The following POLR3B variants were observed in gnomAD, a reference collection of about 807,000 sequenced individuals.
POLR3B encodes RNA polymerase III subunit B, also known as DNA-directed RNA polymerase III subunit RPC2.
A neutral mutation model predicts 147.4 loss-of-function variants in POLR3B; 96 were observed. The observed-to-expected ratio is 0.65, with a 90% CI of 0.55 to 0.77. The LOEUF (loss-of-function observed/expected upper bound fraction) is 0.77, where lower values mean the gene tolerates loss of function less well. Ranked by LOEUF, POLR3B falls within the 30% of genes least tolerant of loss-of-function variation. POLR3B has a pLI of 0.00. For synonymous variants in POLR3B, 461 were observed against 485.9 expected (o/e 0.95, Z 0.67); for missense variants, 1,036 against 1,413.5 (o/e 0.73, Z 4.28).
At chr12:106,430,136 T>C in intron 13 of POLR3B, 137 bp from the exon 14 acceptor site, 2 of 755,860 alleles carry the variant, frequency 2.6e-6, no homozygotes, top group Admixed American at 1.8e-5. Flanking sequence ...TTGTGACACT[T>C]TGATTTCTGA....
intron 9 of POLR3B, among the ~76,000 whole-genome samples, chr12:106,382,224 G>A (rs181065578): frequency 3.9e-5 from 6 of 152,228 alleles, no homozygotes; most frequent in Non-Finnish European, 5.9e-5. Flanking sequence ...ACTGTGGGTC[G>A]AACACCTCTG....
At chr12:106,386,401 G>T (rs2136909446) in intron 9 of POLR3B, among the ~76,000 whole-genome samples, 1 of 151,776 alleles carries the variant, frequency 6.6e-6, no homozygotes, top group Non-Finnish European at 1.5e-5. Context: ...CCAGCAGAGG[G>T]CAGTATGTTC....
intron 12 of POLR3B, among the ~76,000 whole-genome samples, chr12:106,415,938 C>T (rs1173620328): frequency 6.6e-6 from 1 of 152,140 alleles, no homozygotes; most frequent in Non-Finnish European, 1.5e-5. Context: ...TCCAGAGACA[C>T]TCTATGCATA....
rs1592763567 is a variant in POLR3B, at chr12:106,476,797, T to A, written c.2713+13177T>A. 2.0e-5 allele frequency among the ~76,000 whole-genome samples: 3 copies of A among 152,140 alleles called. No individual in the cohort carries two copies. The East Asian group carries it at 5.8e-4, about 29-fold the overall frequency. ...ATTTTTTTCAAAGTTTTCAACTTTCTTTGCCTTTGGTTTGAATGTCCTCCC... is the reference window on the plus strand; with the variant it reads ...ATTTTTTTCAAAGTTTTCAACTTTCATTGCCTTTGGTTTGAATGTCCTCCC... On this transcript the variant is annotated intron_variant, in intron 23 of 27. Coordinates refer to ENST00000228347, the MANE Select transcript of POLR3B (RefSeq NM_018082.6).
intron 12 of POLR3B, among the ~76,000 whole-genome samples, chr12:106,418,973 A>G (rs2037340362): frequency 6.6e-6 from 1 of 152,206 alleles, no homozygotes; most frequent in Non-Finnish European, 1.5e-5. Context: ...TTCAGCTGGG[A>G]TCCAAAAAAA....
intron 10 of POLR3B, among the ~76,000 whole-genome samples, chr12:106,399,864 C>T (rs1454561647): frequency 6.6e-6 from 1 of 152,196 alleles, no homozygotes; most frequent in Non-Finnish European, 1.5e-5. Context: ...TAACTGGTAC[C>T]AGCCACTACA....
chr12:106,367,704 G>A (rs150506268), intron 4 of POLR3B, among the ~76,000 whole-genome samples: 43 of 152,224 alleles, frequency 2.8e-4, no homozygotes, highest in Non-Finnish European at 5.0e-4. Flanking sequence ...TATTACTAAT[G>A]ATTTTAACTT....
chr12:106,396,689 G>A (rs1172654242), intron 10 of POLR3B, among the ~76,000 whole-genome samples: 1 of 152,146 alleles, frequency 6.6e-6, no homozygotes, highest in Non-Finnish European at 1.5e-5. Flanking sequence ...TCTAGGTTTT[G>A]AAGCATGAAA....
Position 106,459,283 on chromosome 12 carries a change from A to C in POLR3B, c.2485A>C (p.Asn829His). 6.2e-7 allele frequency: 1 copy of C among 1,608,896 alleles called. No individual in the cohort carries two copies. The highest frequency in any genetic ancestry group is 1.1e-5 in the South Asian group (1 of 90,982). The change falls in exon 22 of 28, where the codon AAT (asparagine) becomes CAT (histidine). Residue 829 changes from asparagine to histidine, a missense_variant. Transcript: ENST00000228347. ...EKVENKQVLVNKSMPTVTQIP... is the reference protein window; with the variant it reads ...EKVENKQVLVHKSMPTVTQIP... ...AGTAGAAAACAAACAAGTGCTTGTAAATAAGTCCATGCCCACAGTGACTCA... is the reference window on the plus strand; with the variant it reads ...AGTAGAAAACAAACAAGTGCTTGTACATAAGTCCATGCCCACAGTGACTCA...
intron 23 of POLR3B, among the ~76,000 whole-genome samples, chr12:106,493,692 T>C (rs1351537187): frequency 1.3e-5 from 2 of 152,320 alleles, no homozygotes. Flanking sequence ...ACAGCTGTGT[T>C]AGATCTGCAG....
Position 106,454,682 on chromosome 12 carries a change from T to G in POLR3B, c.2264T>G (p.Leu755Arg), listed in dbSNP as rs879134474. The G allele has an allele frequency of 6.2e-7, 1 of 1,610,362 alleles. No individual in the cohort carries two copies. Among genetic ancestry groups the G allele is most frequent in the Non-Finnish European group, 8.5e-7 (1 of 1,176,736 alleles). ...AGTGGCTATGATATTGAAGATGCTC[T>G]TGTTTTAAACAAGGCCTCTTTAGAC... is the stretch of plus-strand genomic sequence containing the variant. ...SYSGYDIEDA[L>R]VLNKASLDRG... Residue 755 changes from leucine (L) to arginine (R), a missense_variant, in exon 20 of 28, where the codon CTT becomes CGT. Transcript: ENST00000228347.
In POLR3B at chr12:106,479,240, T is replaced by C. The variant is rs578094111; in HGVS notation, c.2713+15620T>C. ...TGATCAAATATTGGGACTTCCAGAT[T>C]GATGCTCTAGTTTTCTTATCTTTTT... On this transcript the variant is annotated intron_variant, in intron 23 of 27. Transcript: ENST00000228347. Among the ~76,000 whole-genome samples, 11 of 152,252 alleles carry C rather than the reference T, an allele frequency of 7.2e-5. No individual in the cohort carries two copies. The South Asian group carries it at 2.1e-3, about 29-fold the overall frequency.
chr12:106,489,309 C>A (rs995702850), intron 23 of POLR3B, among the ~76,000 whole-genome samples: 5 of 152,158 alleles, frequency 3.3e-5, no homozygotes, highest in Non-Finnish European at 5.9e-5. Context: ...CTAGTCTTAT[C>A]AAAATATAGT....
At chr12:106,470,807 G>A (rs1198776454) in intron 23 of POLR3B, among the ~76,000 whole-genome samples, 1 of 152,056 alleles carries the variant, frequency 6.6e-6, no homozygotes, top group Non-Finnish European at 1.5e-5. Flanking sequence ...AGCAAATATT[G>A]CTGCCCGATC....
intron 13 of POLR3B, among the ~76,000 whole-genome samples, chr12:106,429,737 A>C (rs1402449158): frequency 6.6e-6 from 1 of 152,164 alleles, no homozygotes; most frequent in African/African-American, 2.4e-5. Context: ...CTTAAACCTT[A>C]ATTAAGAAGC....
chr12:106,402,917 A>C (rs1455264187), intron 10 of POLR3B, among the ~76,000 whole-genome samples: 1 of 152,226 alleles, frequency 6.6e-6, no homozygotes, highest in Admixed American at 6.5e-5. Context: ...TTCATGTCTA[A>C]AACACCAAAA....
intron 12 of POLR3B, among the ~76,000 whole-genome samples, chr12:106,426,222 T>TTGTGTGTGTGTGTGTGTG (rs35090518): frequency 7.6e-6 from 1 of 131,222 alleles, no homozygotes; most frequent in Admixed American, 7.6e-5. Context: ...GGCCTGCAAT[T>TTGTGTGTGTGTGTGTGTG]TGTGTGTGTG....
chr12:106,404,281 C>T (rs1029777138), intron 10 of POLR3B, among the ~76,000 whole-genome samples: 9 of 151,856 alleles, frequency 5.9e-5, no homozygotes, highest in Admixed American at 3.9e-4. Context: ...TTAGTAGAGA[C>T]GGAGTTTCGC....
intron 9 of POLR3B, among the ~76,000 whole-genome samples, chr12:106,386,562 C>T (rs1450248891): frequency 1.3e-5 from 2 of 151,986 alleles, no homozygotes; most frequent in Non-Finnish European, 2.9e-5. Flanking sequence ...CTCATGCATA[C>T]ATTAAAATCA....
Sources: gnomAD v4.1 joint callset for allele counts (sites outside exome capture counted in the v4.1 genomes callset) on GRCh38, gnomAD v4.1.1 for gene constraint, MANE v1.5 for transcripts, NCBI Gene and HGNC (gene_info 2026-07-23, HGNC 2026-07-21) for gene names.